Variants in GFRA1 observed in about 807,000 individuals in gnomAD.
The protein encoded by GFRA1 is GDNF family receptor alpha 1, also known as GDNF family receptor alpha-1.
GFRA1 carries 16 observed loss-of-function variants against 51.6 expected under a neutral mutation model. The observed-to-expected ratio is 0.31, with a 90% CI of 0.21 to 0.47. The LOEUF is 0.47. Ranked by LOEUF, GFRA1 falls within the 20% of genes least tolerant of loss-of-function variation. The probability of loss-of-function intolerance (pLI) is 1.00; values close to 1 mark genes in which losing one functional copy is unlikely to be tolerated. For synonymous variants in GFRA1, 270 were observed against 241.3 expected, an observed-to-expected ratio of 1.12 and a Z score of -1.10; for missense variants, 530 against 594.3, an observed-to-expected ratio of 0.89 and a Z score of 1.13.
At chr10:116,086,692 C>A (rs1475321541) in intron 9 of GFRA1, among the ~76,000 whole-genome samples, 2 of 152,220 alleles carry the variant, frequency 1.3e-5, no homozygotes, top group Non-Finnish European at 2.9e-5. Context: ...GGAGACTGTG[C>A]ATATCACAGG....
At chr10:116,091,088 C>A (rs1956314262) in intron 8 of GFRA1, among the ~76,000 whole-genome samples, 1 of 152,204 alleles carries the variant, frequency 6.6e-6, no homozygotes, top group East Asian at 1.9e-4. Context: ...GAAGAACCAC[C>A]ACTGCTACCC....
chr10:116,172,520 G>T (rs990724834), intron 5 of GFRA1, among the ~76,000 whole-genome samples: 1 of 152,174 alleles, frequency 6.6e-6, no homozygotes, highest in Non-Finnish European at 1.5e-5. Context: ...GGATGCAAAG[G>T]CTTCCAAGAG....
chr10:116,261,489 A>C (rs549817684), intron 4 of GFRA1, among the ~76,000 whole-genome samples: 204 of 152,158 alleles, frequency 1.3e-3, no homozygotes, highest in African/African-American at 4.7e-3. Flanking sequence ...TCCTAGCTTC[A>C]TTTTCTCTTT....
intron 8 of GFRA1, among the ~76,000 whole-genome samples, chr10:116,092,413 C>T (rs569875296): frequency 2.2e-4 from 33 of 151,204 alleles, no homozygotes; most frequent in Non-Finnish European, 3.5e-4. Context: ...TGTGTGTGTG[C>T]GTGTGTGTGC....
chr10:116,187,366 C>T (rs568704754), intron 5 of GFRA1, among the ~76,000 whole-genome samples: 1 of 152,282 alleles, frequency 6.6e-6, no homozygotes, highest in Admixed American at 6.5e-5. Flanking sequence ...ATGTCACCTG[C>T]CTGCAATTTT....
chr10:116,110,530 G>A (rs985163364), intron 6 of GFRA1, among the ~76,000 whole-genome samples: 3 of 152,100 alleles, frequency 2.0e-5, no homozygotes, highest in Admixed American at 6.6e-5. Context: ...CACCCCTTCC[G>A]GCTTTCTCTA....
rs1468107001 is a variant in GFRA1, at chr10:116,063,299, A to C, written c.*1099T>G. ...CACGCTTGCACTTCGAGCAATGACA[A>C]AAGACAATGCTTGTCTGTTCTGTTT... On this transcript the variant is annotated 3_prime_UTR_variant, in exon 11 of 11. Coordinates refer to ENST00000355422, the MANE Select transcript of GFRA1 (RefSeq NM_005264.8). 1 of 152,232 alleles carries C rather than the reference A, an allele frequency of 6.6e-6. No individual in the cohort carries two copies. The highest frequency in any genetic ancestry group is 1.5e-5 in the Non-Finnish European group (1 of 68,052). The allele number at this position is 152,232 out of a possible 1,614,324, so 9.4% of individuals were successfully genotyped here.
chr10:116,065,239 T>C (rs1387716618), intron 10 of GFRA1, among the ~76,000 whole-genome samples: 1 of 152,176 alleles, frequency 6.6e-6, no homozygotes, highest in Non-Finnish European at 1.5e-5. Flanking sequence ...CCACAGATGA[T>C]AGAGAACATC....
At chr10:116,089,108 G>A (rs1357859950) in intron 9 of GFRA1, among the ~76,000 whole-genome samples, 2 of 152,050 alleles carry the variant, frequency 1.3e-5, no homozygotes, top group East Asian at 1.9e-4. Context: ...TTCTGCCCTC[G>A]CAGACCTGGA....
chr10:116,233,811 C>T (rs1016804348), intron 4 of GFRA1, among the ~76,000 whole-genome samples: 1 of 152,164 alleles, frequency 6.6e-6, no homozygotes, highest in Admixed American at 6.5e-5. Context: ...GATGTTTCCC[C>T]CCAATACAAA....
At chr10:116,264,379 C>T (rs2577354) in intron 4 of GFRA1, among the ~76,000 whole-genome samples, 30,599 of 147,746 alleles carry the variant, frequency 0.21, 3,452 homozygotes, top group East Asian at 0.34. Context: ...AACATTCAAC[C>T]ACTCGTGATT....
intron 4 of GFRA1, among the ~76,000 whole-genome samples, chr10:116,251,056 A>T (rs182519294): frequency 1.3e-5 from 2 of 152,314 alleles, no homozygotes; most frequent in Admixed American, 1.3e-4. Context: ...TCCACGTGTA[A>T]AAGGGTCCCC....
At chr10:116,168,427 AGCATGT>A (rs1415408478) in intron 5 of GFRA1, among the ~76,000 whole-genome samples, 1 of 152,210 alleles carries the variant, frequency 6.6e-6, no homozygotes, top group Non-Finnish European at 1.5e-5. Flanking sequence ...GAGTTTCCAT[AGCATGT>A]GTAAACCAGT....
At chr10:116,107,361 T>C (rs542618597) in intron 6 of GFRA1, among the ~76,000 whole-genome samples, 1 of 152,220 alleles carries the variant, frequency 6.6e-6, no homozygotes, top group Admixed American at 6.5e-5. Context: ...CCATGCTGGA[T>C]GAATTCCCTT....
At chr10:116,261,276 T>C (rs12416567) in intron 4 of GFRA1, among the ~76,000 whole-genome samples, 1 of 152,122 alleles carries the variant, frequency 6.6e-6, no homozygotes, top group African/African-American at 2.4e-5. Flanking sequence ...AGACAATTTA[T>C]GTTGCATTGT....
intron 9 of GFRA1, 40 bp downstream of exon 9, chr10:116,089,701 G>C (rs772115881): frequency 1.3e-6 from 2 of 1,568,838 alleles, no homozygotes; most frequent in South Asian, 1.1e-5. Context: ...CCCCCCACCA[G>C]GAAGGGAGCC....
At position 116,194,784 on chromosome 10, in the gene GFRA1, A is replaced by G. The variant is rs56133619; in HGVS notation, c.433+16847T>C. Among the ~76,000 whole-genome samples, 5 of 152,296 alleles carry G rather than the reference A, an allele frequency of 3.3e-5. No individual in the cohort carries two copies. The East Asian group carries it at 7.7e-4, about 24-fold the overall frequency. On this transcript the variant is annotated intron_variant, in intron 5 of 10. Coordinates refer to ENST00000355422, the MANE Select transcript of GFRA1 (RefSeq NM_005264.8). ...GCGCCATTGGTCAGCTCATTTCATC[A>G]TCAATATCTTCATCTTAATTCCCCA...
intron 5 of GFRA1, among the ~76,000 whole-genome samples, chr10:116,151,719 C>A (rs993203625): frequency 1.3e-5 from 2 of 152,092 alleles, no homozygotes; most frequent in East Asian, 3.9e-4. Context: ...ACAGTGAAGA[C>A]CTGGCAGACC....
chr10:116,113,826 C>G (rs1213899500), intron 6 of GFRA1, among the ~76,000 whole-genome samples: 1 of 152,190 alleles, frequency 6.6e-6, no homozygotes, highest in Non-Finnish European at 1.5e-5. Context: ...AGGGTAACGA[C>G]AGCTCCCACT....
Sources: gnomAD v4.1 joint callset for allele counts (sites outside exome capture counted in the v4.1 genomes callset) on GRCh38, gnomAD v4.1.1 for gene constraint, MANE v1.5 for transcripts, NCBI Gene and HGNC (gene_info 2026-07-23, HGNC 2026-07-21) for gene names.